The following HIKESHI variants were observed in gnomAD, a reference collection of about 807,000 sequenced individuals.
HIKESHI encodes protein Hikeshi.
A neutral mutation model predicts 25.7 loss-of-function variants in HIKESHI; 13 were observed. That is an observed-to-expected ratio of 0.51 (90% CI 0.33 to 0.80). The LOEUF is 0.80. Ranked by LOEUF, HIKESHI falls within the 30% of genes least tolerant of loss-of-function variation. The pLI, the probability that HIKESHI is intolerant of heterozygous loss-of-function variation, is 0.02. For synonymous variants in HIKESHI, 76 were observed against 78.7 expected (o/e 0.97, Z 0.18); for missense variants, 174 against 229.5 (o/e 0.76, Z 1.56).
chr11:86,327,150 G>A (rs1229146658), intron 2 of HIKESHI, among the ~76,000 whole-genome samples: 1 of 152,112 alleles, frequency 6.6e-6, no homozygotes, highest in East Asian at 1.9e-4. Context: ...TAGAGGCAGA[G>A]AAACCAATTA....
At chr11:86,306,565 C>T in intron 2 of HIKESHI, 83 bp downstream of exon 2, 1 of 779,326 alleles carries the variant, frequency 1.3e-6, no homozygotes. Context: ...ACTTTTCCCC[C>T]TTTAGATTGT....
intron 2 of HIKESHI, among the ~76,000 whole-genome samples, chr11:86,314,702 A>G (rs889759834): frequency 6.6e-6 from 1 of 152,186 alleles, no homozygotes; most frequent in African/African-American, 2.4e-5. Flanking sequence ...GATGATAAAT[A>G]CTAATCTCTA....
In HIKESHI at chr11:86,307,942, TTATGTGTAATATATATTATATAAAATATA is replaced by T. The variant is rs1245351467; in HGVS notation, c.268+1483_268+1511del. Among the ~76,000 whole-genome samples the T allele has an allele frequency of 3.1e-4, 31 of 101,458 alleles. 1 individual carries two copies. The highest frequency in any genetic ancestry group is 7.1e-4 in the Admixed American group (5 of 7,006). The allele number at this position is 101,458 out of a possible 152,430, so 66.6% of individuals were successfully genotyped here. On this transcript the variant is annotated intron_variant, in intron 2 of 4. Transcript: ENST00000278483. ...TAATATATAATATATAAAATATATA[TTATGTGTAATATATATTATATAAAATATA>T]TATGTGTAATATATATTATATATAA...
At chr11:86,308,559 T>TTTTATTTATTTATTTATTTATTTA (rs71468999) in intron 2 of HIKESHI, among the ~76,000 whole-genome samples, 30,097 of 142,298 alleles carry the variant, frequency 0.21, 3,507 homozygotes, top group East Asian at 0.37. Context: ...CCATAATTCT[T>TTTTATTTATTTATTTATTTATTTA]TTTATTTATT....
intron 2 of HIKESHI, among the ~76,000 whole-genome samples, chr11:86,321,286 C>A (rs1463215316): frequency 6.6e-6 from 1 of 152,010 alleles, no homozygotes; most frequent in Non-Finnish European, 1.5e-5. Flanking sequence ...GGGTAGTATT[C>A]CATTGTATGG....
intron 2 of HIKESHI, among the ~76,000 whole-genome samples, chr11:86,325,297 GAGAGCTCTGTTGGGAGAACTACAT>G (rs1296316137): frequency 6.6e-6 from 1 of 152,146 alleles, no homozygotes; most frequent in African/African-American, 2.4e-5. Context: ...GAGAGGTCAA[GAGAGCTCTGTTGGGAGAACTACAT>G]GTACTTGTAG....
At chr11:86,332,398 T>C (rs755423546) in intron 2 of HIKESHI, among the ~76,000 whole-genome samples, 9 of 152,204 alleles carry the variant, frequency 5.9e-5, no homozygotes, top group South Asian at 4.1e-4. Flanking sequence ...TTCATGAGTT[T>C]TATTCTTTTG....
chr11:86,318,166 T>C (rs879299594), intron 2 of HIKESHI, among the ~76,000 whole-genome samples: 3 of 151,046 alleles, frequency 2.0e-5, no homozygotes, highest in Non-Finnish European at 2.9e-5. Context: ...TAGCCGGGCG[T>C]GGTGGTGGGC....
At chr11:86,316,977 A>G (rs1454351829) in intron 2 of HIKESHI, among the ~76,000 whole-genome samples, 2 of 151,540 alleles carry the variant, frequency 1.3e-5, no homozygotes, top group Non-Finnish European at 2.9e-5. Context: ...TATTTTTAGT[A>G]GAGGCAGGGT....
intron 2 of HIKESHI, among the ~76,000 whole-genome samples, chr11:86,308,651 T>C (rs2138301105): frequency 6.6e-6 from 1 of 151,664 alleles, no homozygotes; most frequent in Non-Finnish European, 1.5e-5. Context: ...ACATGTGCCA[T>C]TTTGGTGTGC....
chr11:86,320,755 TCTC>T (rs2138348972), intron 2 of HIKESHI, among the ~76,000 whole-genome samples: 1 of 152,306 alleles, frequency 6.6e-6, no homozygotes, highest in East Asian at 1.9e-4. Context: ...CACCACCTCT[TCTC>T]CACTCTAGGC....
chr11:86,303,231 C>T (rs1565715711), intron 1 of HIKESHI: 1 of 174,924 alleles, frequency 5.7e-6, no homozygotes, highest in Non-Finnish European at 1.1e-5. Context: ...AGGCCTGATT[C>T]CTTTCCCCTA....
chr11:86,324,302 T>G (rs1351298511), intron 2 of HIKESHI: 2 of 152,226 alleles, frequency 1.3e-5, no homozygotes, highest in African/African-American at 4.8e-5. Context: ...CACACCAATA[T>G]GTTTGGCCCA....
At chr11:86,340,062 C>A (rs531365464) in intron 3 of HIKESHI, among the ~76,000 whole-genome samples, 3 of 152,262 alleles carry the variant, frequency 2.0e-5, no homozygotes, top group Admixed American at 6.5e-5. Context: ...CATCCATGTC[C>A]CTGCAAAGGA....
At chr11:86,316,525 GAAATA>G (rs993248691) in intron 2 of HIKESHI, among the ~76,000 whole-genome samples, 7 of 151,526 alleles carry the variant, frequency 4.6e-5, no homozygotes, top group Non-Finnish European at 2.9e-5. Flanking sequence ...AAAATAAAAT[GAAATA>G]AAATAAATTT....
intron 2 of HIKESHI, among the ~76,000 whole-genome samples, chr11:86,336,099 TG>T (rs1947551053): frequency 6.6e-6 from 1 of 152,130 alleles, no homozygotes; most frequent in Non-Finnish European, 1.5e-5. Flanking sequence ...GTACAGTAAC[TG>T]AATGGTTCAC....
intron 1 of HIKESHI, among the ~76,000 whole-genome samples, chr11:86,305,811 G>A (rs1302637739): frequency 6.6e-6 from 1 of 151,992 alleles, no homozygotes; most frequent in African/African-American, 2.4e-5. Flanking sequence ...TATGGTCTCA[G>A]CTCACTGCAA....
chr11:86,320,081 G>A (rs1947110561), intron 2 of HIKESHI, among the ~76,000 whole-genome samples: 1 of 152,124 alleles, frequency 6.6e-6, no homozygotes, highest in African/African-American at 2.4e-5. Context: ...TCAAAAATGA[G>A]TTGATTCCCT....
intron 1 of HIKESHI, 35 bp downstream of exon 1, chr11:86,302,513 C>A: frequency 6.4e-7 from 1 of 1,550,830 alleles, no homozygotes. Context: ...AGGAAGGGGT[C>A]AGGATACCGA....
Sources: allele counts gnomAD v4.1 joint callset (sites outside exome capture counted in the v4.1 genomes callset), GRCh38; gene constraint gnomAD v4.1.1; transcripts MANE v1.5; gene names NCBI Gene and HGNC (gene_info 2026-07-23, HGNC 2026-07-21).